Variants in KIF13A observed in about 807,000 individuals in gnomAD.
The protein encoded by KIF13A is kinesin family member 13A.
In KIF13A, 79 loss-of-function variants were observed where a neutral mutation model predicts 212.2. The ratio of observed to expected loss-of-function variants is 0.37; its 90% CI spans 0.31 to 0.45. The LOEUF is 0.45. KIF13A is among the 20% of genes least tolerant of loss of function. KIF13A has a pLI of 1.00. For missense variants in KIF13A, 1,901 were observed against 2,209.0 expected (o/e 0.86, Z 2.79); for synonymous variants, 789 against 808.6 (o/e 0.98, Z 0.41).
rs1297673568 is a variant in KIF13A at position 17,890,610 on chromosome 6, CT to C, written c.159+7557del. Among the ~76,000 whole-genome samples the C allele has an allele frequency of 4.0e-5, 6 of 151,562 alleles. No individual in the cohort carries two copies. In the South Asian group the frequency reaches 1.0e-3, roughly 26 times the overall value. On this transcript the variant is annotated intron_variant, in intron 3 of 38. Coordinates refer to ENST00000259711, the MANE Select transcript of KIF13A (RefSeq NM_022113.6). ...CAGAAGGTGGCTAAACTAACAAGCA[CT>C]TTCCCCCTTCTCCTTCTTCTTTTTT...
At chr6:17,890,754 G>A (rs1049392743) in intron 3 of KIF13A, among the ~76,000 whole-genome samples, 43 of 149,712 alleles carry the variant, frequency 2.9e-4, no homozygotes, top group African/African-American at 9.6e-4. Flanking sequence ...AGCTTCCCAG[G>A]CAGCTGGGAC....
chr6:17,766,033 A>G lies in KIF13A; in HGVS notation c.4582-1087T>C, dbSNP rs150616058. ...TAGAACAATCCTGGATGCTGCATGGATGGATAAGAATTTCATTCACAGGTA... is the reference window on the plus strand; with the variant it reads ...TAGAACAATCCTGGATGCTGCATGGGTGGATAAGAATTTCATTCACAGGTA... On this transcript the variant is annotated intron_variant, in intron 38 of 38. Coordinates refer to ENST00000259711, the MANE Select transcript of KIF13A (RefSeq NM_022113.6). Among the ~76,000 whole-genome samples, 29 of 152,262 alleles carry G rather than the reference A, an allele frequency of 1.9e-4. No homozygotes were observed. The East Asian group carries it at 5.6e-3, about 29-fold the overall frequency.
chr6:17,939,996 C>T (rs922295779), intron 2 of KIF13A, among the ~76,000 whole-genome samples: 6 of 148,956 alleles, frequency 4.0e-5, no homozygotes, highest in African/African-American at 1.5e-4. Flanking sequence ...GCCGAGATCG[C>T]GCCACTACAC....
intron 4 of KIF13A, among the ~76,000 whole-genome samples, chr6:17,865,548 T>C (rs1769279231): frequency 6.6e-6 from 1 of 152,192 alleles, no homozygotes; most frequent in Non-Finnish European, 1.5e-5. Flanking sequence ...ATGCCCAGCT[T>C]GGATGAGGTT....
At chr6:17,965,284 C>T (rs945122360) in intron 2 of KIF13A, among the ~76,000 whole-genome samples, 20 of 151,950 alleles carry the variant, frequency 1.3e-4, no homozygotes, top group African/African-American at 4.8e-4. Flanking sequence ...TGCAAATTTA[C>T]TTAGGTGATA....
Position 17,816,995 on chromosome 6 carries a change from G to A in KIF13A, c.2000+25C>T. 1 of 1,584,112 alleles carries A rather than the reference G, an allele frequency of 6.3e-7. No homozygotes were observed. The highest frequency in any genetic ancestry group is 8.6e-7 in the Non-Finnish European group (1 of 1,165,324). On this transcript the variant is annotated intron_variant, in intron 17 of 38. Transcript: ENST00000259711. The surrounding 1 kb of genome is among the most constrained non-coding windows in gnomAD (Gnocchi z 4.3). ...CCCACGGCCTTGGGGCCTTGACTCT[G>A]GGCTGCCCCCGCTGCAGTTCTTACC...
At position 17,838,859 on chromosome 6, in the gene KIF13A, G is replaced by A. The variant is rs1394595427; in HGVS notation, c.831-1276C>T. On this transcript the variant is annotated intron_variant, in intron 9 of 38. Coordinates refer to ENST00000259711, the MANE Select transcript of KIF13A (RefSeq NM_022113.6). This position sits in a 1 kb window ranked among gnomAD's most constrained non-coding sequence, Gnocchi z 4.2. The stretch of plus-strand genomic sequence containing the variant: ...AGATGGAATCTCGCTCTGTCACCCA[G>A]GCTGGAGTTCAGTGGCATGATATGA... 6.6e-6 allele frequency among the ~76,000 whole-genome samples: 1 copy of A among 152,132 alleles called. No individual in the cohort carries two copies. The highest frequency in any genetic ancestry group is 1.5e-5 in the Non-Finnish European group (1 of 68,026).
intron 19 of KIF13A, 100 bp downstream of exon 19, chr6:17,805,369 CCGTGTG>C (rs1293411180): frequency 1.4e-5 from 9 of 657,562 alleles, no homozygotes; most frequent in Non-Finnish European, 2.1e-5. Flanking sequence ...GAGCACATCT[CCGTGTG>C]TGTGTGTGTG....
intron 22 of KIF13A, 96 bp from the exon 23 acceptor site, chr6:17,796,916 T>C: frequency 1.4e-6 from 1 of 704,012 alleles, no homozygotes; most frequent in South Asian, 5.2e-5. Context: ...TTAGAGTATA[T>C]TAGCCTGATC....
At chr6:17,821,323 T>C (rs1462750919) in intron 16 of KIF13A, among the ~76,000 whole-genome samples, 1 of 152,224 alleles carries the variant, frequency 6.6e-6, no homozygotes, top group Non-Finnish European at 1.5e-5. Flanking sequence ...GATCAGTATT[T>C]ACTCTAGAAA....
chr6:17,775,171 TCTC>T, intron 34 of KIF13A, 109 bp from the exon 35 acceptor site: 5 of 797,212 alleles, frequency 6.3e-6, no homozygotes, highest in Non-Finnish European at 7.9e-6. Flanking sequence ...TCTTCATTCT[TCTC>T]CTCCTCTTTC....
At position 17,787,981 on chromosome 6, in the gene KIF13A, G is replaced by C. The variant is rs1239860718; in HGVS notation, c.3262-106C>G. ...AATCAACTAGGAAATTTTTCATTAGGAAAAGCTGTTGAACATTGCTGTGTG... is the reference window on the plus strand; with the variant it reads ...AATCAACTAGGAAATTTTTCATTAGCAAAAGCTGTTGAACATTGCTGTGTG... On this transcript the variant is annotated intron_variant, in intron 26 of 38. Transcript: ENST00000259711. The surrounding 1 kb of genome is among the most constrained non-coding windows in gnomAD (Gnocchi z 4.6). 5 of 722,984 alleles carry C rather than the reference G, an allele frequency of 6.9e-6. No homozygotes were observed. In the East Asian group the frequency reaches 1.2e-4, roughly 18 times the overall value. The allele number at this position is 722,984 out of a possible 1,614,324, so 44.8% of individuals were successfully genotyped here. A position where few individuals can be genotyped will look rare whatever the true frequency, so the allele number is the denominator to read the frequency against.
At chr6:17,901,598 T>G (rs1277350779) in intron 2 of KIF13A, among the ~76,000 whole-genome samples, 1 of 152,162 alleles carries the variant, frequency 6.6e-6, no homozygotes, top group Non-Finnish European at 1.5e-5. Flanking sequence ...AATCAAATAA[T>G]TTATTTGCTT....
intron 4 of KIF13A, among the ~76,000 whole-genome samples, chr6:17,868,989 CAAAAAAAAAAAA>C (rs71002278): frequency 8.1e-4 from 17 of 20,920 alleles, no homozygotes; most frequent in Admixed American, 4.2e-3. Context: ...GACTCCCTCT[CAAAAAAAAAAAA>C]AAAAAAAAAA....
rs909449222 is a variant in KIF13A, at chr6:17,834,472, C to T, written c.1156-401G>A. Reference sequence around the variant, plus strand: ...AATGAATTCCAGTTAAATTAATCTGCTAGAAAAGGTAAAGACTTCTCATGT... The same window carrying T: ...AATGAATTCCAGTTAAATTAATCTGTTAGAAAAGGTAAAGACTTCTCATGT... On this transcript the variant is annotated intron_variant, in intron 11 of 38. Transcript: ENST00000259711. The surrounding 1 kb of genome is among the most constrained non-coding windows in gnomAD (Gnocchi z 4.0). Among the ~76,000 whole-genome samples, 2 of 152,206 alleles carry T rather than the reference C, an allele frequency of 1.3e-5. No homozygotes were observed. The highest frequency in any genetic ancestry group is 4.8e-5 in the African/African-American group (2 of 41,448).
chr6:17,809,651 G>A lies in KIF13A; in HGVS notation c.2001-721C>T, dbSNP rs1763263124. Among the ~76,000 whole-genome samples, 1 of 152,168 alleles carries A rather than the reference G, an allele frequency of 6.6e-6. No individual in the cohort carries two copies. Among genetic ancestry groups the A allele is most frequent in the Non-Finnish European group, 1.5e-5 (1 of 68,028 alleles). On this transcript the variant is annotated intron_variant, in intron 17 of 38. Transcript: ENST00000259711. The surrounding 1 kb of genome is among the most constrained non-coding windows in gnomAD (Gnocchi z 4.7). ...GCACTACCCTAGCTCCTGGCCAAGT[G>A]CATGACCCATCGTAGGATATTCAAA...
chr6:17,877,870 G>T (rs1770711739), intron 3 of KIF13A, among the ~76,000 whole-genome samples: 1 of 151,786 alleles, frequency 6.6e-6, no homozygotes, highest in African/African-American at 2.4e-5. Context: ...AAAAAAATTT[G>T]CAGTCAGTAT....
chr6:17,980,302 T>A (rs544261116), intron 2 of KIF13A, among the ~76,000 whole-genome samples: 49 of 152,262 alleles, frequency 3.2e-4, no homozygotes, highest in African/African-American at 1.1e-3. Context: ...CTTTTCATAG[T>A]TTCAAAAAAC....
At position 17,785,434 on chromosome 6, in the gene KIF13A, T is replaced by C; in HGVS notation, c.3488+81A>G. 7.1e-7 allele frequency: 1 copy of C among 1,399,086 alleles called. No individual in the cohort carries two copies. The highest frequency in any genetic ancestry group is 9.4e-7 in the Non-Finnish European group (1 of 1,065,742). 86.7% of individuals were successfully genotyped at this position (1,399,086 alleles called of 1,614,324 possible). On this transcript the variant is annotated intron_variant, in intron 28 of 38. Transcript: ENST00000259711. This position sits in a 1 kb window ranked among gnomAD's most constrained non-coding sequence, Gnocchi z 5.8. Reference sequence around the variant, plus strand: ...TGGTTGGCATTTTCTGTGACAATCCTGGAAAGTCTCTTGCATGGCTCTTGC... The same window carrying C: ...TGGTTGGCATTTTCTGTGACAATCCCGGAAAGTCTCTTGCATGGCTCTTGC...
Sources: gnomAD v4.1 joint callset for allele counts (sites outside exome capture counted in the v4.1 genomes callset) on GRCh38, gnomAD v4.1.1 for gene constraint, Gnocchi (gnomAD v3.1) non-coding constraint, MANE v1.5 for transcripts, NCBI Gene and HGNC (gene_info 2026-07-23, HGNC 2026-07-21) for gene names.